CEP112: variants seen among roughly 807,000 people sequenced by gnomAD.
The protein encoded by CEP112 is centrosomal protein 112, also known as centrosomal protein of 112 kDa.
A neutral mutation model predicts 153.0 loss-of-function variants in CEP112; 127 were observed. The observed-to-expected ratio is 0.83, with a 90% CI of 0.72 to 0.96. CEP112 has a LOEUF of 0.96. Among genes scored for constraint, CEP112 ranks in the 40% least tolerant of loss-of-function variants. The probability of loss-of-function intolerance (pLI) is 0.00; values close to 1 mark genes in which losing one functional copy is unlikely to be tolerated. For synonymous variants in CEP112, 358 were observed against 374.4 expected (o/e 0.96, Z 0.51); for missense variants, 1,089 against 1,101.2 (o/e 0.99, Z 0.16).
chr17:65,660,755 C>T (rs2046350475), intron 24 of CEP112, among the ~76,000 whole-genome samples: 1 of 151,850 alleles, frequency 6.6e-6, no homozygotes, highest in Non-Finnish European at 1.5e-5. Context: ...TGCCATGTTG[C>T]CCAGCCCAGG....
intron 20 of CEP112, among the ~76,000 whole-genome samples, chr17:65,860,072 T>TA (rs1197809419): frequency 6.8e-6 from 1 of 146,256 alleles, no homozygotes; most frequent in Non-Finnish European, 1.5e-5. Context: ...ACGGTATATA[T>TA]AAAAAATGAA....
intron 18 of CEP112, among the ~76,000 whole-genome samples, chr17:65,936,996 T>C (rs1375796104): frequency 1.3e-5 from 2 of 150,158 alleles, no homozygotes; most frequent in Admixed American, 6.7e-5. Flanking sequence ...TCGTATTTTT[T>C]TGGTGGAGAT....
At chr17:66,171,993 A>G (rs1309942268) in intron 4 of CEP112, among the ~76,000 whole-genome samples, 1 of 152,020 alleles carries the variant, frequency 6.6e-6, no homozygotes, top group East Asian at 1.9e-4. Context: ...TGCTTCCCTC[A>G]ACGTTTTCTG....
intron 17 of CEP112, among the ~76,000 whole-genome samples, chr17:65,997,195 A>T (rs1042522352): frequency 6.6e-6 from 1 of 152,156 alleles, no homozygotes; most frequent in Non-Finnish European, 1.5e-5. Flanking sequence ...TGGGCAACAG[A>T]GTGAGACTCC....
At chr17:66,169,414 G>A (rs1225067457) in intron 4 of CEP112, among the ~76,000 whole-genome samples, 2 of 151,354 alleles carry the variant, frequency 1.3e-5, no homozygotes, top group Non-Finnish European at 2.9e-5. Flanking sequence ...CTCCCGAGTA[G>A]CTGGGACTAC....
intron 4 of CEP112, among the ~76,000 whole-genome samples, chr17:66,138,353 A>G (rs1262242751): frequency 6.6e-6 from 1 of 152,194 alleles, no homozygotes; most frequent in Non-Finnish European, 1.5e-5. Context: ...CCTTGATACT[A>G]TCTGGGATAC....
chr17:65,760,920 C>T (rs943778571), intron 21 of CEP112, among the ~76,000 whole-genome samples: 7 of 151,976 alleles, frequency 4.6e-5, no homozygotes, highest in African/African-American at 1.7e-4. Flanking sequence ...ATTATTGATT[C>T]GATTGCCTTA....
intron 6 of CEP112, among the ~76,000 whole-genome samples, chr17:66,118,998 G>C (rs551143750): frequency 6.6e-6 from 1 of 152,272 alleles, no homozygotes; most frequent in South Asian, 2.1e-4. Context: ...TATACACCAA[G>C]GAATACTATG....
rs564433843 is a variant in CEP112 at position 65,816,430 on chromosome 17, C to T, written c.2394+35374G>A. Reference sequence around the variant, plus strand: ...GCACCCAATTTGTAGTCTTTTATCCCCCACCCCCTTCCCACCTTTTTCTCC... The same window carrying T: ...GCACCCAATTTGTAGTCTTTTATCCTCCACCCCCTTCCCACCTTTTTCTCC... On this transcript the variant is annotated intron_variant, in intron 21 of 26. Transcript: ENST00000535342. 3.2e-3 allele frequency among the ~76,000 whole-genome samples: 489 copies of T among 151,872 alleles called. 1 individual carries two copies. Among genetic ancestry groups the T allele is most frequent in the Non-Finnish European group, 5.6e-3 (382 of 67,812 alleles).
chr17:65,872,922 C>T (rs141248344), intron 20 of CEP112: 4 of 152,322 alleles, frequency 2.6e-5, no homozygotes, highest in African/African-American at 9.6e-5. Flanking sequence ...CCTGTTAAAA[C>T]GACTGGTAGC....
At chr17:65,787,305 C>A (rs542738448) in intron 21 of CEP112, among the ~76,000 whole-genome samples, 6 of 152,222 alleles carry the variant, frequency 3.9e-5, no homozygotes, top group Admixed American at 3.3e-4. Context: ...CAAAGCAAGA[C>A]CCCCATCTCT....
intron 8 of CEP112, among the ~76,000 whole-genome samples, chr17:66,095,096 T>C (rs1297550581): frequency 1.3e-5 from 2 of 152,166 alleles, no homozygotes; most frequent in African/African-American, 4.8e-5. Flanking sequence ...CGAGGGTTCC[T>C]TGAAAAATTA....
chr17:66,070,003 T>A lies in CEP112; in HGVS notation c.769-2A>T, dbSNP rs1042718547. ...CATCATTTTTGTTTTCATGTCCAGC[T>A]TCAAGAAAAATATTTCAAGGGTGTT... On this transcript the variant is annotated splice_acceptor_variant, in intron 8 of 26. Coordinates refer to ENST00000535342, the MANE Select transcript of CEP112 (RefSeq NM_001199165.4). LOFTEE classifies it high-confidence loss of function. The A allele has an allele frequency of 1.9e-6, 3 of 1,580,062 alleles. No homozygotes were observed. Among genetic ancestry groups the A allele is most frequent in the East Asian group, 4.5e-5 (2 of 44,410 alleles).
At chr17:66,100,484 T>C (rs1356133728) in intron 6 of CEP112, among the ~76,000 whole-genome samples, 1 of 148,788 alleles carries the variant, frequency 6.7e-6, no homozygotes, top group East Asian at 2.0e-4. Flanking sequence ...AGATAGGACC[T>C]GAAGCCAAAA....
At chr17:65,804,257 T>A (rs544190268) in intron 21 of CEP112, 14 of 152,158 alleles carry the variant, frequency 9.2e-5, no homozygotes, top group South Asian at 4.1e-4. Context: ...TAAAAGAAAA[T>A]TTTTCTGAAT....
chr17:65,754,315 G>A (rs1049654323), intron 21 of CEP112, among the ~76,000 whole-genome samples: 6 of 152,160 alleles, frequency 3.9e-5, no homozygotes, highest in Admixed American at 2.0e-4. Context: ...GCATGTTCAA[G>A]ACACAGTATG....
chr17:66,014,096 T>C (rs1353031381), intron 16 of CEP112, among the ~76,000 whole-genome samples: 1 of 152,096 alleles, frequency 6.6e-6, no homozygotes, highest in East Asian at 1.9e-4. Flanking sequence ...TGCACCAGCA[T>C]GGAAGGGCAA....
intron 4 of CEP112, among the ~76,000 whole-genome samples, chr17:66,146,430 G>C (rs2070920554): frequency 6.6e-6 from 1 of 152,024 alleles, no homozygotes; most frequent in South Asian, 2.1e-4. Flanking sequence ...CTTAACATCT[G>C]TAGGATCTGT....
intron 16 of CEP112, among the ~76,000 whole-genome samples, chr17:66,016,394 G>A (rs1345717261): frequency 6.6e-6 from 1 of 152,106 alleles, no homozygotes; most frequent in East Asian, 1.9e-4. Flanking sequence ...CTGTAACTGT[G>A]CTTCTATTAC....
Sources: allele counts gnomAD v4.1 joint callset (sites outside exome capture counted in the v4.1 genomes callset), GRCh38; gene constraint gnomAD v4.1.1; transcripts MANE v1.5; gene names NCBI Gene and HGNC (gene_info 2026-07-23, HGNC 2026-07-21).